MYCBP2: variants seen among roughly 807,000 people sequenced by gnomAD.
MYCBP2 encodes E3 ubiquitin-protein ligase MYCBP2.
MYCBP2 carries 120 observed loss-of-function variants against 525.3 expected under a neutral mutation model. The ratio of observed to expected loss-of-function variants is 0.23; its 90% CI spans 0.20 to 0.27. The LOEUF (loss-of-function observed/expected upper bound fraction) is 0.27. MYCBP2 is among the 10% of genes least tolerant of loss of function. The probability of loss-of-function intolerance (pLI) is 1.00; values close to 1 mark genes in which losing one functional copy is unlikely to be tolerated. For missense variants in MYCBP2, 4,149 were observed against 5,657.1 expected (o/e 0.73, Z 8.55); for synonymous variants, 1,894 against 1,955.8 (o/e 0.97, Z 0.83).
intron 27 of MYCBP2, among the ~76,000 whole-genome samples, chr13:77,193,493 T>C (rs1450334122): frequency 6.6e-6 from 1 of 152,174 alleles, no homozygotes; most frequent in East Asian, 1.9e-4. Flanking sequence ...ATTACTACTA[T>C]GAAGCTCAGT....
intron 42 of MYCBP2, 112 bp from the exon 43 acceptor site, chr13:77,164,653 G>A (rs1169342823): frequency 8.5e-6 from 6 of 707,152 alleles, no homozygotes; most frequent in Admixed American, 4.1e-5. Context: ...AAGGAAGCAC[G>A]TGAAGCTAAT....
At chr13:77,219,692 T>C (rs1466006088) in intron 20 of MYCBP2, among the ~76,000 whole-genome samples, 1 of 152,024 alleles carries the variant, frequency 6.6e-6, no homozygotes, top group Non-Finnish European at 1.5e-5. Flanking sequence ...GGCTGAATAA[T>C]TTCTTACATC....
intron 68 of MYCBP2, among the ~76,000 whole-genome samples, chr13:77,072,355 T>C (rs1372187319): frequency 6.8e-6 from 1 of 146,228 alleles, no homozygotes; most frequent in Admixed American, 6.8e-5. Flanking sequence ...GAAAACATTG[T>C]GAATTGAATG....
intron 73 of MYCBP2, among the ~76,000 whole-genome samples, chr13:77,064,082 C>T (rs2039799697): frequency 6.6e-6 from 1 of 152,176 alleles, no homozygotes; most frequent in Non-Finnish European, 1.5e-5. Flanking sequence ...TTAAAACTTA[C>T]TATAAATGTG....
chr13:77,326,838 C>G lies in MYCBP2; in HGVS notation c.-63G>C, dbSNP rs1321529384. On this transcript the variant is annotated 5_prime_UTR_variant, in exon 1 of 83. Coordinates refer to ENST00000544440, the MANE Select transcript of MYCBP2 (RefSeq NM_015057.5). The surrounding 1 kb of genome is among the most constrained non-coding windows in gnomAD (Gnocchi z 4.2). ...CGGGCCGGGCGGGCAGACACGCGCG[C>G]GCACACACAGCCCTTTTCCAACGAC... 14 of 1,359,274 alleles carry G rather than the reference C, an allele frequency of 1.0e-5. No individual in the cohort carries two copies. Among genetic ancestry groups the G allele is most frequent in the Middle Eastern group, 2.7e-4 (1 of 3,740 alleles). 84.2% of individuals were successfully genotyped at this position (1,359,274 alleles called of 1,614,324 possible).
chr13:77,275,080 C>T (rs1434746119), intron 4 of MYCBP2, among the ~76,000 whole-genome samples: 1 of 152,124 alleles, frequency 6.6e-6, no homozygotes, highest in Non-Finnish European at 1.5e-5. Context: ...ATATACCGAA[C>T]TCTCACACAC....
At chr13:77,305,896 A>AT (rs1408839090) in intron 1 of MYCBP2, among the ~76,000 whole-genome samples, 1 of 152,152 alleles carries the variant, frequency 6.6e-6, no homozygotes, top group Non-Finnish European at 1.5e-5. Context: ...TCTAATACAG[A>AT]TTATCTATAA....
rs775090115 is a variant in MYCBP2, at chr13:77,257,798, T to A, written c.2049A>T (p.Val683=). The A allele has an allele frequency of 5.6e-6, 9 of 1,610,098 alleles. No homozygotes were observed. Among genetic ancestry groups the A allele is most frequent in the Non-Finnish European group, 7.6e-6 (9 of 1,179,032 alleles). ...GAGCTTTGCCCATAGCTACCTGAGT[T>A]ACAAAATGGCCCTTCAAATCAGTTA... ...SLVTDLKGHF[V]TQVAMGKAHT... is the part of the protein sequence containing the mutation. The change falls in exon 14 of 83, where the codon GTA becomes GTT. Residue 683 remains valine (V), a synonymous_variant. Coordinates refer to ENST00000544440, the MANE Select transcript of MYCBP2 (RefSeq NM_015057.5).
At chr13:77,263,540 A>AT in intron 10 of MYCBP2, 111 bp downstream of exon 10, 1 of 841,912 alleles carries the variant, frequency 1.2e-6, no homozygotes, top group Non-Finnish European at 1.8e-6. Context: ...TAACAGACAC[A>AT]AAATAGCTGC....
At chr13:77,062,292 ATATC>A (rs776745524) in intron 74 of MYCBP2, among the ~76,000 whole-genome samples, 1 of 152,204 alleles carries the variant, frequency 6.6e-6, no homozygotes, top group Non-Finnish European at 1.5e-5. Flanking sequence ...TTTTAGTAAA[ATATC>A]TAGTCACTAA....
At chr13:77,279,871 C>T (rs1313720513) in intron 3 of MYCBP2, among the ~76,000 whole-genome samples, 1 of 152,084 alleles carries the variant, frequency 6.6e-6, no homozygotes, top group Admixed American at 6.5e-5. Context: ...GCATTTATTA[C>T]ATTACAGTAT....
chr13:77,269,927 A>G, intron 7 of MYCBP2, 65 bp downstream of exon 7: 1 of 1,228,062 alleles, frequency 8.1e-7, no homozygotes, highest in Non-Finnish European at 1.2e-6. Context: ...TTACTGATTA[A>G]ACAAGGACAA....
rs373012467 is a variant in MYCBP2 at position 77,165,304 on chromosome 13, A to G, written c.6428T>C (p.Ile2143Thr). 2.5e-6 allele frequency: 4 copies of G among 1,611,664 alleles called. No individual in the cohort carries two copies. Among genetic ancestry groups the G allele is most frequent in the Non-Finnish European group, 3.4e-6 (4 of 1,179,038 alleles). The change falls in exon 42 of 83, where the codon ATT becomes ACT. Residue 2143 changes from isoleucine (I) to threonine (T), a missense_variant. Physicochemically the swap from Ile to Thr is moderately conservative, Grantham distance 89. Transcript: ENST00000544440. ...AGGTCCAGGGCTAAATTCATATCCA[A>G]TTGCAAAACACTTAAAACCATAGAA... ...ASFYGFKCFA[I>T]GYEFSPGPDE...
chr13:77,104,867 TTAATC>T (rs1282873374), intron 55 of MYCBP2, among the ~76,000 whole-genome samples: 1 of 152,134 alleles, frequency 6.6e-6, no homozygotes, highest in Non-Finnish European at 1.5e-5. Flanking sequence ...TAAAGCCATC[TTAATC>T]TAAGTTTTAA....
intron 77 of MYCBP2, among the ~76,000 whole-genome samples, chr13:77,059,217 G>A (rs2038808694): frequency 6.6e-6 from 1 of 152,168 alleles, no homozygotes; most frequent in South Asian, 2.1e-4. Flanking sequence ...AAGGAAATAA[G>A]TGAATAATGT....
intron 37 of MYCBP2, among the ~76,000 whole-genome samples, chr13:77,173,464 G>C (rs961093620): frequency 6.6e-6 from 1 of 152,224 alleles, no homozygotes; most frequent in African/African-American, 2.4e-5. Flanking sequence ...CAGCAACAAT[G>C]AACTACATAG....
rs948229834 is a variant in MYCBP2 at position 77,165,123 on chromosome 13, A to C, written c.6459+150T>G. 26 of 640,526 alleles carry C rather than the reference A, an allele frequency of 4.1e-5. No individual in the cohort carries two copies. The African/African-American group carries it at 5.0e-4, about 12-fold the overall frequency. The allele number at this position is 640,526 out of a possible 1,614,324, so 39.7% of individuals were successfully genotyped here. On this transcript the variant is annotated intron_variant, in intron 42 of 82. Coordinates refer to ENST00000544440, the MANE Select transcript of MYCBP2 (RefSeq NM_015057.5). Reference sequence around the variant, plus strand: ...CTCAAGGGATTCTCTCACCTCTCAAAGTGCTGCAATTACAGGTGTGAGCCA... The same window carrying C: ...CTCAAGGGATTCTCTCACCTCTCAACGTGCTGCAATTACAGGTGTGAGCCA...
At chr13:77,118,608 T>A (rs1359031523) in intron 55 of MYCBP2, 1 of 586,104 alleles carries the variant, frequency 1.7e-6, no homozygotes, top group Non-Finnish European at 3.1e-6. Context: ...AATAAAACCA[T>A]GCCAATTCAG....
intron 29 of MYCBP2, 36 bp downstream of exon 29, chr13:77,190,216 T>C (rs777631310): frequency 2.2e-6 from 3 of 1,352,650 alleles, no homozygotes; most frequent in Non-Finnish European, 3.1e-6. Flanking sequence ...AGCAAAATAA[T>C]AAACCATACT....
Sources: gnomAD v4.1 joint callset for allele counts (sites outside exome capture counted in the v4.1 genomes callset) on GRCh38, gnomAD v4.1.1 for gene constraint, Gnocchi (gnomAD v3.1) non-coding constraint, MANE v1.5 for transcripts, NCBI Gene and HGNC (gene_info 2026-07-23, HGNC 2026-07-21) for gene names.